Variants in KCTD16 observed in about 807,000 individuals in gnomAD.
KCTD16 encodes potassium channel tetramerization domain containing 16, also known as BTB/POZ domain-containing protein KCTD16.
Under a neutral mutation model 33.2 loss-of-function variants are expected in KCTD16, and 13 were observed. That is an observed-to-expected ratio of 0.39 (90% CI 0.25 to 0.62). The LOEUF (loss-of-function observed/expected upper bound fraction) is 0.62, where lower values mean the gene tolerates loss of function less well. Ranked by LOEUF, KCTD16 falls within the 20% of genes least tolerant of loss-of-function variation. The probability of loss-of-function intolerance (pLI) is 0.50; values close to 1 mark genes in which losing one functional copy is unlikely to be tolerated. For synonymous variants in KCTD16, 197 were observed against 195.3 expected (o/e 1.01, Z -0.07); for missense variants, 441 against 525.1 (o/e 0.84, Z 1.57).
intron 3 of KCTD16, among the ~76,000 whole-genome samples, chr5:144,466,036 A>G (rs530111100): frequency 6.6e-6 from 1 of 151,726 alleles, no homozygotes; most frequent in Non-Finnish European, 1.5e-5. Flanking sequence ...ACGGGATTTC[A>G]CCATATTGGT....
intron 3 of KCTD16, among the ~76,000 whole-genome samples, chr5:144,233,737 G>C (rs1754171194): frequency 6.6e-6 from 1 of 152,142 alleles, no homozygotes; most frequent in Admixed American, 6.6e-5. Context: ...GACAGATATT[G>C]AATATAAAAG....
At chr5:144,189,471 G>A (rs1178881246) in intron 2 of KCTD16, among the ~76,000 whole-genome samples, 8 of 150,232 alleles carry the variant, frequency 5.3e-5, no homozygotes, top group African/African-American at 2.0e-4. Context: ...ACTTCAGCCG[G>A]GGTGACAGAG....
chr5:144,479,881 G>A lies in KCTD16; in HGVS notation c.*5767G>A, dbSNP rs1298549663. Reference sequence around the variant, plus strand: ...ACTATCAAGGGCTTGTCCTGGAGGAGGGTGGGGGTAATCTTCCTGTTAATC... The same window carrying A: ...ACTATCAAGGGCTTGTCCTGGAGGAAGGTGGGGGTAATCTTCCTGTTAATC... On this transcript the variant is annotated 3_prime_UTR_variant, in exon 4 of 4. Coordinates refer to ENST00000512467, the MANE Select transcript of KCTD16 (RefSeq NM_020768.4). 7 of 151,956 alleles carry A rather than the reference G, an allele frequency of 4.6e-5. No individual in the cohort carries two copies. Among genetic ancestry groups the A allele is most frequent in the Non-Finnish European group, 1.0e-4 (7 of 67,944 alleles). The allele number at this position is 151,956 out of a possible 1,614,324, so 9.4% of individuals were successfully genotyped here.
intron 3 of KCTD16, among the ~76,000 whole-genome samples, chr5:144,460,401 A>T (rs528727947): frequency 6.6e-6 from 1 of 151,966 alleles, no homozygotes; most frequent in African/African-American, 2.4e-5. Flanking sequence ...TCCACCATAT[A>T]TTCTGTTTTA....
At chr5:144,355,465 C>T (rs957747481) in intron 3 of KCTD16, among the ~76,000 whole-genome samples, 3 of 152,058 alleles carry the variant, frequency 2.0e-5, no homozygotes, top group Admixed American at 2.0e-4. Context: ...AGGAGTACCA[C>T]CCATTGGGAA....
At chr5:144,409,643 G>A (rs1037353094) in intron 3 of KCTD16, among the ~76,000 whole-genome samples, 2 of 151,972 alleles carry the variant, frequency 1.3e-5, no homozygotes, top group African/African-American at 2.4e-5. Flanking sequence ...CAGATCACCC[G>A]AGGTCAGGGT....
chr5:144,252,891 CTTTT>C (rs796121886), intron 3 of KCTD16, among the ~76,000 whole-genome samples: 1 of 138,332 alleles, frequency 7.2e-6, no homozygotes, highest in Admixed American at 7.2e-5. Flanking sequence ...CTCATCTTGC[CTTTT>C]TTTTTTTTTC....
chr5:144,388,759 ATATT>A (rs1752386884), intron 3 of KCTD16, among the ~76,000 whole-genome samples: 1 of 152,236 alleles, frequency 6.6e-6, no homozygotes, highest in Non-Finnish European at 1.5e-5. Context: ...AGAAAAATAT[ATATT>A]CTATATCCAT....
chr5:144,267,340 G>A (rs12186461), intron 3 of KCTD16, among the ~76,000 whole-genome samples: 33,339 of 152,078 alleles, frequency 0.22, 4,046 homozygotes, highest in Non-Finnish European at 0.28. Context: ...CAAACCTAGG[G>A]AGGTTACTTT....
intron 3 of KCTD16, among the ~76,000 whole-genome samples, chr5:144,260,665 G>A (rs562017402): frequency 6.6e-6 from 1 of 152,298 alleles, no homozygotes; most frequent in African/African-American, 2.4e-5. Flanking sequence ...ACTATAATGT[G>A]AGATTTATGG....
chr5:144,370,037 A>G lies in KCTD16; in HGVS notation c.833-103623A>G, dbSNP rs76079259. On this transcript the variant is annotated intron_variant, in intron 3 of 3. Transcript: ENST00000512467. Reference sequence around the variant, plus strand: ...AACACTAAGTACATAATAGTAACATATGGGGGTACAAAGATAGGGAGAGAA... The same window carrying G: ...AACACTAAGTACATAATAGTAACATGTGGGGGTACAAAGATAGGGAGAGAA... Among the ~76,000 whole-genome samples the G allele has an allele frequency of 4.6e-3, 693 of 152,270 alleles. 8 individuals are homozygous for G. Among genetic ancestry groups the G allele is most frequent in the African/African-American group, 0.016 (671 of 41,552 alleles).
Position 144,298,487 on chromosome 5 carries a change from C to T in KCTD16, c.832+90941C>T, listed in dbSNP as rs573692461. 7.2e-5 allele frequency among the ~76,000 whole-genome samples: 11 copies of T among 152,286 alleles called. No homozygotes were observed. In the South Asian group the frequency reaches 2.3e-3, roughly 32 times the overall value. On this transcript the variant is annotated intron_variant, in intron 3 of 3. Coordinates refer to ENST00000512467, the MANE Select transcript of KCTD16 (RefSeq NM_020768.4). ...TTAAGGGATGCTGGTGGCTATTGGA[C>T]ACACAGGCCTAGGTGTAGGTACTCA...
intron 3 of KCTD16, among the ~76,000 whole-genome samples, chr5:144,461,375 A>G (rs1409236155): frequency 6.6e-6 from 1 of 152,094 alleles, no homozygotes; most frequent in African/African-American, 2.4e-5. Flanking sequence ...CCTACCTCAG[A>G]GAATGAAAGC....
intron 2 of KCTD16, among the ~76,000 whole-genome samples, chr5:144,190,412 A>T (rs1387968655): frequency 6.6e-6 from 1 of 152,136 alleles, no homozygotes; most frequent in African/African-American, 2.4e-5. Context: ...CTTTCTTACG[A>T]TGCCTCACTT....
At chr5:144,455,549 G>A (rs1028170560) in intron 3 of KCTD16, among the ~76,000 whole-genome samples, 3 of 152,190 alleles carry the variant, frequency 2.0e-5, no homozygotes, top group Non-Finnish European at 4.4e-5. Flanking sequence ...CAACTACTGT[G>A]TTCAGTCTTA....
chr5:144,430,976 TA>T (rs1753445762), intron 3 of KCTD16, among the ~76,000 whole-genome samples: 1 of 152,124 alleles, frequency 6.6e-6, no homozygotes, highest in South Asian at 2.1e-4. Context: ...AAATATTCCA[TA>T]TTTTGCATAC....
intron 3 of KCTD16, among the ~76,000 whole-genome samples, chr5:144,421,139 T>A (rs1203795900): frequency 6.6e-6 from 1 of 152,220 alleles, no homozygotes; most frequent in Admixed American, 6.6e-5. Flanking sequence ...GTTGCTTATT[T>A]TTAATTGAAA....
intron 3 of KCTD16, among the ~76,000 whole-genome samples, chr5:144,352,792 GA>G (rs1751475770): frequency 6.6e-6 from 1 of 152,172 alleles, no homozygotes; most frequent in Admixed American, 6.5e-5. Flanking sequence ...GATGATTTAT[GA>G]AAACAAATGA....
chr5:144,275,633 C>T (rs1755418518), intron 3 of KCTD16, among the ~76,000 whole-genome samples: 1 of 152,002 alleles, frequency 6.6e-6, no homozygotes, highest in African/African-American at 2.4e-5. Context: ...ATGGGATTCT[C>T]AAAACAAAAT....
Sources: gnomAD v4.1 joint callset for allele counts (sites outside exome capture counted in the v4.1 genomes callset) on GRCh38, gnomAD v4.1.1 for gene constraint, MANE v1.5 for transcripts, NCBI Gene and HGNC (gene_info 2026-07-23, HGNC 2026-07-21) for gene names.